The following COL24A1 variants were observed in gnomAD, a reference collection of about 807,000 sequenced individuals.
The protein encoded by COL24A1 is collagen alpha-1(XXIV) chain.
A neutral mutation model predicts 253.9 loss-of-function variants in COL24A1; 224 were observed. That is an observed-to-expected ratio of 0.88 (90% confidence interval 0.79 to 0.99). The LOEUF (loss-of-function observed/expected upper bound fraction) is 0.99. COL24A1 is among the 50% of genes least tolerant of loss of function. The probability of loss-of-function intolerance (pLI) is 0.00; values close to 1 mark genes in which losing one functional copy is unlikely to be tolerated. For missense variants in COL24A1, 2,131 were observed against 2,068.5 expected, an observed-to-expected ratio of 1.03 and a Z score of -0.59; for synonymous variants, 685 against 673.7, an observed-to-expected ratio of 1.02 and a Z score of -0.26.
intron 2 of COL24A1, among the ~76,000 whole-genome samples, chr1:86,129,119 T>C (rs951251454): frequency 2.6e-5 from 4 of 152,014 alleles, no homozygotes; most frequent in South Asian, 2.1e-4. Flanking sequence ...ATCTCTTCTA[T>C]GTTAATTGAT....
At chr1:86,106,488 C>A (rs879653516) in intron 5 of COL24A1, among the ~76,000 whole-genome samples, 2 of 152,024 alleles carry the variant, frequency 1.3e-5, no homozygotes, top group Non-Finnish European at 2.9e-5. Flanking sequence ...TGGAAAAGAA[C>A]TATCTTGACC....
At chr1:86,085,815 T>C (rs199652790) in intron 7 of COL24A1, among the ~76,000 whole-genome samples, 1 of 152,160 alleles carries the variant, frequency 6.6e-6, no homozygotes, top group Non-Finnish European at 1.5e-5. Context: ...GGAAAACATA[T>C]TGCTTGTTAA....
chr1:85,790,373 G>C (rs1433278589), intron 47 of COL24A1, among the ~76,000 whole-genome samples: 1 of 151,854 alleles, frequency 6.6e-6, no homozygotes, highest in Non-Finnish European at 1.5e-5. Context: ...ATGGTTGTTT[G>C]TATTTTTTGT....
chr1:85,895,289 C>T (rs963378122), intron 31 of COL24A1, among the ~76,000 whole-genome samples: 5 of 151,936 alleles, frequency 3.3e-5, no homozygotes, highest in African/African-American at 1.2e-4. Context: ...AAAATATTAA[C>T]AACTCTTAAG....
Position 85,935,731 on chromosome 1 carries a change from T to G in COL24A1, c.2563-24298A>C, listed in dbSNP as rs1313528473. Among the ~76,000 whole-genome samples the G allele has an allele frequency of 1.4e-5, 2 of 146,926 alleles. 1 individual carries two copies. Among genetic ancestry groups the G allele is most frequent in the Non-Finnish European group, 3.0e-5 (2 of 66,500 alleles). ...AAGGCTTGACTGACAGTTTATTAATTCGGGAGCACTTTCCAAGTATCAGAC... is the reference window on the plus strand; with the variant it reads ...AAGGCTTGACTGACAGTTTATTAATGCGGGAGCACTTTCCAAGTATCAGAC... On this transcript the variant is annotated intron_variant, in intron 24 of 59. Transcript: ENST00000370571.
rs371763263 is a variant in COL24A1, at chr1:85,963,691, AG to A, written c.2517+1317del. ...TGAAACGCAAATTTCAGTGACAGCT[AG>A]GGAGGAATGAACATTACAAAATTTC... On this transcript the variant is annotated intron_variant, in intron 23 of 59. Transcript: ENST00000370571. Among the ~76,000 whole-genome samples the A allele has an allele frequency of 3.3e-5, 5 of 152,260 alleles. No individual in the cohort carries two copies. The South Asian group carries it at 1.0e-3, about 32-fold the overall frequency.
chr1:86,101,777 T>TCTG (rs1224392700), intron 5 of COL24A1, among the ~76,000 whole-genome samples: 1 of 152,194 alleles, frequency 6.6e-6, no homozygotes, highest in Non-Finnish European at 1.5e-5. Flanking sequence ...TGCTGCTGGA[T>TCTG]TCAGTTTGCC....
chr1:85,939,192 T>C (rs537357851), intron 24 of COL24A1, among the ~76,000 whole-genome samples: 2 of 152,242 alleles, frequency 1.3e-5, no homozygotes, highest in African/African-American at 4.8e-5. Context: ...TGATCCTCAT[T>C]CTTGAGAACA....
chr1:85,781,574 A>G (rs1372719242), intron 51 of COL24A1, among the ~76,000 whole-genome samples: 2 of 152,190 alleles, frequency 1.3e-5, no homozygotes, highest in Non-Finnish European at 2.9e-5. Context: ...CATGTATGTT[A>G]TATAACAAAT....
At chr1:86,155,861 G>A (rs1436384602) in intron 1 of COL24A1, 2 of 154,080 alleles carry the variant, frequency 1.3e-5, no homozygotes, top group African/African-American at 2.4e-5. Context: ...CCTGAGTCCA[G>A]TGGTCCAGGC....
At chr1:85,779,945 A>G (rs1039927347) in intron 52 of COL24A1, among the ~76,000 whole-genome samples, 6 of 152,206 alleles carry the variant, frequency 3.9e-5, no homozygotes. Flanking sequence ...CTATCTATAA[A>G]CAAAACACAG....
At position 85,947,799 on chromosome 1, in the gene COL24A1, A is replaced by T. The variant is rs1049627899; in HGVS notation, c.2562+13450T>A. Among the ~76,000 whole-genome samples the T allele has an allele frequency of 4.6e-5, 7 of 152,200 alleles. No homozygotes were observed. The South Asian group carries it at 1.5e-3, about 32-fold the overall frequency. ...ATATTATTAAAATGAGAATAATTTT[A>T]AGGATAGTTCATTTCTGTCAGCAGT... is the stretch of plus-strand genomic sequence containing the variant. On this transcript the variant is annotated intron_variant, in intron 24 of 59. Coordinates refer to ENST00000370571, the MANE Select transcript of COL24A1 (RefSeq NM_152890.7).
At chr1:85,934,516 A>G (rs1431762357) in intron 24 of COL24A1, among the ~76,000 whole-genome samples, 2 of 152,202 alleles carry the variant, frequency 1.3e-5, no homozygotes, top group Non-Finnish European at 2.9e-5. Context: ...GATGAAATGC[A>G]TAACATTTCA....
At position 85,832,713 on chromosome 1, in the gene COL24A1, T is replaced by C. The variant is rs531453247; in HGVS notation, c.3681+5872A>G. On this transcript the variant is annotated intron_variant, in intron 43 of 59. Coordinates refer to ENST00000370571, the MANE Select transcript of COL24A1 (RefSeq NM_152890.7). The stretch of plus-strand genomic sequence containing the variant: ...ATTGTGAATGGGAGTTCACTCATGA[T>C]TTGGCTCTCTGTTTGTCTGTTATTG... Among the ~76,000 whole-genome samples the C allele has an allele frequency of 4.3e-3, 646 of 151,600 alleles. 8 individuals are homozygous for C. The highest frequency in any genetic ancestry group is 6.2e-3 in the Non-Finnish European group (424 of 67,902).
At position 85,793,396 on chromosome 1, in the gene COL24A1, A is replaced by G. The variant is rs541092366; in HGVS notation, c.3952-6935T>C. ...TTAAGGAACAAATTACAAGGGCAAA[A>G]TCCTCACAGAAGGAGAAATAGAGGA... On this transcript the variant is annotated intron_variant, in intron 47 of 59. Coordinates refer to ENST00000370571, the MANE Select transcript of COL24A1 (RefSeq NM_152890.7). Among the ~76,000 whole-genome samples the G allele has an allele frequency of 2.4e-4, 36 of 152,104 alleles. No individual in the cohort carries two copies. The South Asian group carries it at 6.9e-3, about 29-fold the overall frequency.
At chr1:86,130,968 A>G (rs1490184322) in intron 2 of COL24A1, among the ~76,000 whole-genome samples, 1 of 151,978 alleles carries the variant, frequency 6.6e-6, no homozygotes, top group Non-Finnish European at 1.5e-5. Context: ...CGGGAACAAC[A>G]TTTCCCGAGT....
At chr1:86,023,764 C>A (rs923679757) in intron 14 of COL24A1, among the ~76,000 whole-genome samples, 1 of 151,808 alleles carries the variant, frequency 6.6e-6, no homozygotes. Context: ...GCAATAGCAA[C>A]ATAAGGGTAT....
At chr1:86,014,886 T>C (rs1207832767) in intron 19 of COL24A1, among the ~76,000 whole-genome samples, 1 of 152,194 alleles carries the variant, frequency 6.6e-6, no homozygotes, top group Non-Finnish European at 1.5e-5. Context: ...TCTTCTCTTT[T>C]ATCCTTCCCC....
At chr1:85,883,051 T>G (rs987721960) in intron 32 of COL24A1, among the ~76,000 whole-genome samples, 3 of 152,214 alleles carry the variant, frequency 2.0e-5, no homozygotes, top group Non-Finnish European at 4.4e-5. Context: ...GTGGTATACT[T>G]AAACCATTGA....
Sources: allele counts gnomAD v4.1 joint callset (sites outside exome capture counted in the v4.1 genomes callset), GRCh38; gene constraint gnomAD v4.1.1; transcripts MANE v1.5; gene names NCBI Gene and HGNC (gene_info 2026-07-23, HGNC 2026-07-21).